Variants in LNP1 observed in about 807,000 individuals in gnomAD.
The protein encoded by LNP1 is leukemia NUP98 fusion partner 1.
LNP1 carries 12 observed loss-of-function variants against 14.5 expected under a neutral mutation model. The ratio of observed to expected loss-of-function variants is 0.83; its 90% confidence interval spans 0.53 to 1.34. The LOEUF (loss-of-function observed/expected upper bound fraction) is 1.34, where lower values mean the gene tolerates loss of function less well. Among genes scored for constraint, LNP1 ranks in the 40% most tolerant of loss-of-function variants. The pLI is 0.00. For missense variants in LNP1, 198 were observed against 210.9 expected (o/e 0.94, Z 0.38); for synonymous variants, 75 against 71.4 (o/e 1.05, Z -0.26).
At chr3:100,423,619 G>A (rs558033174) in intron 1 of LNP1, among the ~76,000 whole-genome samples, 9 of 152,200 alleles carry the variant, frequency 5.9e-5, no homozygotes, top group African/African-American at 2.2e-4. Flanking sequence ...CATGATATCC[G>A]TTCACTTTAT....
chr3:100,408,923 T>A (rs1706997879), intron 1 of LNP1, among the ~76,000 whole-genome samples: 1 of 152,222 alleles, frequency 6.6e-6, no homozygotes, highest in Admixed American at 6.5e-5. Flanking sequence ...TCACCTGGTT[T>A]CCTTAGCTCT....
intron 1 of LNP1, among the ~76,000 whole-genome samples, chr3:100,404,523 TC>T (rs1706945062): frequency 6.6e-6 from 1 of 152,326 alleles, no homozygotes; most frequent in East Asian, 1.9e-4. Context: ...ACAGCACAGC[TC>T]TAGATATTCC....
intron 3 of LNP1, 70 bp downstream of exon 3, chr3:100,452,019 T>C: frequency 1.1e-6 from 1 of 927,304 alleles, no homozygotes; most frequent in Middle Eastern, 2.3e-4. Context: ...GTCCTCTTTA[T>C]GATTGAGGGG....
At chr3:100,423,826 C>G (rs563185672) in intron 1 of LNP1, among the ~76,000 whole-genome samples, 10 of 152,152 alleles carry the variant, frequency 6.6e-5, no homozygotes, top group Non-Finnish European at 1.2e-4. Context: ...GGGTAAAAAG[C>G]GCAGCTCCCT....
At position 100,455,909 on chromosome 3, in the gene LNP1, G is replaced by A. The variant is rs376972874; in HGVS notation, c.520G>A (p.Glu174Lys). 6.8e-5 allele frequency: 109 copies of A among 1,608,352 alleles called. No homozygotes were observed. The African/African-American group carries it at 1.2e-3, about 17-fold the overall frequency. ...AGAAGCACACATGGCTCCCCTGTTT[G>A]AAAAAGGGCCTGAATAATACTCTGC... ...HGEAHMAPLF[E>K]KGPE is the part of the protein sequence containing the mutation. The change falls in exon 4 of 4, where the codon GAA (glutamate) becomes AAA (lysine). Residue 174 changes from glutamate to lysine, a missense_variant. Physicochemically the swap from Glu to Lys is moderately conservative, Grantham distance 56 (BLOSUM62 1). Transcript: ENST00000383693.
chr3:100,417,530 C>T (rs1293490555), intron 1 of LNP1, among the ~76,000 whole-genome samples: 3 of 151,814 alleles, frequency 2.0e-5, no homozygotes, highest in African/African-American at 7.3e-5. Flanking sequence ...CCCACGCCAC[C>T]ATGCCCTGCT....
chr3:100,402,608 A>C (rs994601922), intron 1 of LNP1, among the ~76,000 whole-genome samples, 169 bp downstream of exon 1: 1 of 151,526 alleles, frequency 6.6e-6, no homozygotes, highest in Non-Finnish European at 1.5e-5. Flanking sequence ...CCTTAATATA[A>C]GCTCTGCCTT....
chr3:100,427,125 G>T (rs1395043448), intron 1 of LNP1, among the ~76,000 whole-genome samples: 13 of 151,878 alleles, frequency 8.6e-5, no homozygotes, highest in Non-Finnish European at 1.5e-5. Context: ...TTTCTTGCTG[G>T]TTTATCTAAA....
intron 2 of LNP1, among the ~76,000 whole-genome samples, chr3:100,447,358 C>G (rs544087544): frequency 1.3e-5 from 2 of 151,956 alleles, no homozygotes; most frequent in Non-Finnish European, 2.9e-5. Context: ...GACAGAAAAC[C>G]AAACACCGCA....
chr3:100,422,804 T>C (rs1046483622), intron 1 of LNP1, among the ~76,000 whole-genome samples: 19 of 53,132 alleles, frequency 3.6e-4, no homozygotes, highest in Non-Finnish European at 5.5e-4. Context: ...TTGTCTCCTC[T>C]TTTTTTTTTT....
chr3:100,428,462 G>C (rs559534483), intron 1 of LNP1, among the ~76,000 whole-genome samples: 83 of 151,904 alleles, frequency 5.5e-4, no homozygotes, highest in African/African-American at 1.9e-3. Flanking sequence ...AACCTGGGAA[G>C]TGGGGGTTGC....
chr3:100,414,144 T>A (rs1380231350), intron 1 of LNP1, among the ~76,000 whole-genome samples: 2 of 152,240 alleles, frequency 1.3e-5, no homozygotes, highest in African/African-American at 4.8e-5. Flanking sequence ...CATAATTTTG[T>A]TGCTCAGGAA....
intron 2 of LNP1, among the ~76,000 whole-genome samples, chr3:100,440,860 A>G (rs561023943): frequency 4.6e-5 from 7 of 152,340 alleles, no homozygotes; most frequent in African/African-American, 1.4e-4. Flanking sequence ...AGCATCTGGC[A>G]GGAACCTGAA....
At chr3:100,415,276 A>G (rs1707071594) in intron 1 of LNP1, among the ~76,000 whole-genome samples, 1 of 152,222 alleles carries the variant, frequency 6.6e-6, no homozygotes, top group Admixed American at 6.5e-5. Flanking sequence ...ATACATGTAG[A>G]ACTCCTATAG....
intron 1 of LNP1, among the ~76,000 whole-genome samples, chr3:100,425,090 A>G (rs1026203385): frequency 6.6e-6 from 1 of 152,200 alleles, no homozygotes. Context: ...TCTTGGGCTG[A>G]GGCAGGCCAA....
chr3:100,453,703 C>T (rs1457241484), intron 3 of LNP1, among the ~76,000 whole-genome samples: 2 of 152,086 alleles, frequency 1.3e-5, no homozygotes, highest in Non-Finnish European at 2.9e-5. Context: ...ATACACCCTT[C>T]ACCTAGATTA....
intron 1 of LNP1, among the ~76,000 whole-genome samples, chr3:100,423,164 C>T (rs187151657): frequency 9.2e-5 from 14 of 151,944 alleles, no homozygotes; most frequent in South Asian, 2.1e-4. Flanking sequence ...GTATTTTGAC[C>T]GTTAAAAAGA....
Position 100,429,713 on chromosome 3 carries a change from T to G in LNP1, c.-17T>G. The G allele has an allele frequency of 6.2e-7, 1 of 1,611,598 alleles. No homozygotes were observed. ...CGCATTTAGGGACAGGCCTTCAGTA[T>G]TTGGCATCACCTTTACATGGAGCAC... On this transcript the variant is annotated 5_prime_UTR_variant, in exon 2 of 4. Coordinates refer to ENST00000383693, the MANE Select transcript of LNP1 (RefSeq NM_001085451.2).
At chr3:100,429,589 C>T in intron 1 of LNP1, 108 bp from the exon 2 acceptor site, 1 of 701,218 alleles carries the variant, frequency 1.4e-6, no homozygotes, top group Non-Finnish European at 2.5e-6. Context: ...TTAAGGATGC[C>T]AGTATCGGAG....
Sources: allele counts gnomAD v4.1 joint callset (sites outside exome capture counted in the v4.1 genomes callset), GRCh38; gene constraint gnomAD v4.1.1; transcripts MANE v1.5; gene names NCBI Gene and HGNC (gene_info 2026-07-23, HGNC 2026-07-21).